ZNF385D: variants seen among roughly 807,000 people sequenced by gnomAD.
The protein encoded by ZNF385D is zinc finger protein 385D, also known as zinc finger protein 659.
A neutral mutation model predicts 35.8 loss-of-function variants in ZNF385D; 15 were observed. That is an observed-to-expected ratio of 0.42 (90% CI 0.28 to 0.64). ZNF385D has a LOEUF of 0.64. Among genes scored for constraint, ZNF385D ranks in the 30% least tolerant of loss-of-function variants. The pLI, the probability that ZNF385D is intolerant of heterozygous loss-of-function variation, is 0.23. For missense variants in ZNF385D, 474 were observed against 494.6 expected (o/e 0.96, Z 0.39); for synonymous variants, 212 against 186.8 (o/e 1.13, Z -1.10).
intron 2 of ZNF385D, among the ~76,000 whole-genome samples, chr3:22,256,905 A>G (rs1700346012): frequency 1.3e-5 from 2 of 151,902 alleles, no homozygotes; most frequent in South Asian, 2.1e-4. Flanking sequence ...GTAACCCTGT[A>G]AAGTTAAATA....
chr3:21,540,074 C>G (rs2062135557), intron 3 of ZNF385D, among the ~76,000 whole-genome samples: 1 of 152,186 alleles, frequency 6.6e-6, no homozygotes, highest in African/African-American at 2.4e-5. Context: ...ATAGGCTACA[C>G]TGCTTTTTAC....
chr3:21,794,969 C>A lies in ZNF385D; in HGVS notation c.326-129941G>T, dbSNP rs115798550. On this transcript the variant is annotated intron_variant, in intron 3 of 5. Transcript: ENST00000494108. ...TGACAAATCATAGGTGCCTATCTAC[C>A]TTTTATAATAAAGCTTAATATTTTT... Among the ~76,000 whole-genome samples, 511 of 152,248 alleles carry A rather than the reference C, an allele frequency of 3.4e-3. 4 individuals carry two copies. The highest frequency in any genetic ancestry group is 0.012 in the African/African-American group (478 of 41,542).
chr3:22,042,489 G>A (rs1463754621), intron 3 of ZNF385D, among the ~76,000 whole-genome samples: 1 of 152,070 alleles, frequency 6.6e-6, no homozygotes, highest in African/African-American at 2.4e-5. Context: ...AGCATCTTAA[G>A]GTATCGTTCT....
chr3:22,319,929 A>G (rs573191386), intron 2 of ZNF385D, among the ~76,000 whole-genome samples: 1 of 152,140 alleles, frequency 6.6e-6, no homozygotes, highest in Non-Finnish European at 1.5e-5. Flanking sequence ...GGTTTTTATC[A>G]TAAAACATCT....
chr3:21,604,721 A>G (rs919682529), intron 2 of ZNF385D, among the ~76,000 whole-genome samples: 2 of 152,152 alleles, frequency 1.3e-5, no homozygotes, highest in Non-Finnish European at 2.9e-5. Context: ...ACTAGGTTGT[A>G]AGAGTCTGAG....
At chr3:22,214,949 A>ATT (rs946392080) in intron 2 of ZNF385D, among the ~76,000 whole-genome samples, 1 of 151,926 alleles carries the variant, frequency 6.6e-6, no homozygotes, top group African/African-American at 2.4e-5. Context: ...GAAAATGACT[A>ATT]ATAAAACTTG....
At chr3:21,773,157 C>A (rs1442428997) in intron 3 of ZNF385D, among the ~76,000 whole-genome samples, 1 of 151,732 alleles carries the variant, frequency 6.6e-6, no homozygotes, top group South Asian at 2.1e-4. Context: ...ATTATGAATA[C>A]GTTTAATACC....
chr3:21,968,202 G>A lies in ZNF385D; in HGVS notation c.325+200615C>T, dbSNP rs1346626793. On this transcript the variant is annotated intron_variant, in intron 3 of 5. Transcript: ENST00000494108. ...GGTGGAACGCAGCCAATGCCACCAC[G>A]GAGGGAGCATTTAGACCAGCCGTAG... 3.3e-5 allele frequency among the ~76,000 whole-genome samples: 5 copies of A among 152,106 alleles called. No homozygotes were observed. In the East Asian group the frequency reaches 9.7e-4, roughly 29 times the overall value.
intron 3 of ZNF385D, among the ~76,000 whole-genome samples, chr3:21,950,762 T>C (rs4441677): frequency 0.26 from 39,812 of 151,568 alleles, 6,297 homozygotes; most frequent in Admixed American, 0.41. Flanking sequence ...ATTTTCTGCA[T>C]ATGGCTAGCC....
intron 2 of ZNF385D, among the ~76,000 whole-genome samples, chr3:22,191,743 A>G (rs1696047974): frequency 3.9e-5 from 6 of 152,194 alleles, no homozygotes; most frequent in Admixed American, 3.3e-4. Flanking sequence ...GGTTTGACTC[A>G]TATTCTAAAG....
chr3:22,164,857 C>G (rs1463713), intron 3 of ZNF385D, among the ~76,000 whole-genome samples: 21,747 of 151,748 alleles, frequency 0.14, 1,677 homozygotes, highest in East Asian at 0.25. Context: ...AGCTATCAAG[C>G]CATAAAAAGA....
intron 3 of ZNF385D, among the ~76,000 whole-genome samples, chr3:21,953,865 T>TAC (rs1159814349): frequency 1.3e-5 from 2 of 151,998 alleles, no homozygotes; most frequent in Admixed American, 1.3e-4. Context: ...CACTCACGTA[T>TAC]ACACACACAC....
chr3:22,341,525 A>G (rs1016270150), intron 2 of ZNF385D, among the ~76,000 whole-genome samples: 2 of 152,172 alleles, frequency 1.3e-5, no homozygotes, highest in African/African-American at 2.4e-5. Flanking sequence ...TCAGTCTCCT[A>G]TCTTCAACTA....
chr3:21,874,636 G>A (rs956664995), intron 3 of ZNF385D, among the ~76,000 whole-genome samples: 1 of 152,048 alleles, frequency 6.6e-6, no homozygotes, highest in Admixed American at 6.6e-5. Context: ...ATCAGGAAAT[G>A]TAGCTTTGTA....
rs376442161 is a variant in ZNF385D at position 21,419,597 on chromosome 3, T to C, written c.*1617A>G. 2 of 152,140 alleles carry C rather than the reference T, an allele frequency of 1.3e-5. No homozygotes were observed. The highest frequency in any genetic ancestry group is 1.9e-4 in the East Asian group (1 of 5,198). 9.4% of individuals were successfully genotyped at this position (152,140 alleles called of 1,614,324 possible). A position where few individuals can be genotyped will look rare whatever the true frequency, so the allele number is the denominator to read the frequency against. ...CTAAACCTAAATCATGTATGTTTTG[T>C]CATTATTCTAAGTTTCAGTGTCATT... On this transcript the variant is annotated 3_prime_UTR_variant, in exon 8 of 8. Coordinates refer to ENST00000281523, the MANE Select transcript of ZNF385D (RefSeq NM_024697.3).
At chr3:21,732,736 T>C (rs1162810082) in intron 1 of ZNF385D, among the ~76,000 whole-genome samples, 1 of 152,214 alleles carries the variant, frequency 6.6e-6, no homozygotes, top group East Asian at 1.9e-4. Context: ...TTTAATCAGG[T>C]TGTTTGTTTT....
intron 5 of ZNF385D, among the ~76,000 whole-genome samples, chr3:21,426,345 C>T (rs1701026324): frequency 6.6e-6 from 1 of 152,126 alleles, no homozygotes; most frequent in Non-Finnish European, 1.5e-5. Flanking sequence ...CAAGCATATA[C>T]ACGATGGATA....
chr3:21,726,413 G>A (rs1463360316), intron 1 of ZNF385D, among the ~76,000 whole-genome samples: 6 of 152,120 alleles, frequency 3.9e-5, no homozygotes, highest in Admixed American at 2.0e-4. Flanking sequence ...TGACATGATC[G>A]TATATTTAGA....
At chr3:21,510,789 A>G (rs1707143924) in intron 4 of ZNF385D, 72 bp downstream of exon 4, 1 of 1,579,978 alleles carries the variant, frequency 6.3e-7, no homozygotes, top group Non-Finnish European at 8.7e-7. Flanking sequence ...GTAAACAGAC[A>G]TGGGGCTAGA....
Sources: gnomAD v4.1 joint callset for allele counts (sites outside exome capture counted in the v4.1 genomes callset) on GRCh38, gnomAD v4.1.1 for gene constraint, MANE v1.5 for transcripts, NCBI Gene and HGNC (gene_info 2026-07-23, HGNC 2026-07-21) for gene names.